DMD: variants seen among roughly 807,000 people sequenced by gnomAD.
The protein encoded by DMD is dystrophin, also known as mutant dystrophin.
In DMD, 63 loss-of-function variants were observed where a neutral mutation model predicts 330.1. That is an observed-to-expected ratio of 0.19 (90% CI 0.16 to 0.24). DMD has a LOEUF of 0.24. DMD is among the 10% of genes least tolerant of loss of function. The pLI is 1.00. For synonymous variants in DMD, 1,223 were observed against 959.8 expected (o/e 1.27, Z -5.07); for missense variants, 3,344 against 2,684.1 (o/e 1.25, Z -5.43).
intron 55 of DMD, among the ~76,000 whole-genome samples, chrX:31,620,925 T>A (rs2078497848): frequency 1.8e-5 from 2 of 111,844 alleles, no homozygotes; most frequent in Non-Finnish European, 3.8e-5. Flanking sequence ...CATAAATTTG[T>A]GTGTAATATA....
intron 44 of DMD, among the ~76,000 whole-genome samples, chrX:31,971,895 TG>T (rs1388869865): frequency 8.9e-6 from 1 of 111,968 alleles, no homozygotes; most frequent in Non-Finnish European, 1.9e-5. Context: ...CATCTAGTCT[TG>T]GTTCTGGACA....
At chrX:32,906,780 T>C (rs1278757425) in intron 2 of DMD, among the ~76,000 whole-genome samples, 1 of 111,527 alleles carries the variant, frequency 9.0e-6, no homozygotes, top group Non-Finnish European at 1.9e-5. Context: ...TAGGATGCTA[T>C]TTCAGTACTC....
intron 44 of DMD, among the ~76,000 whole-genome samples, chrX:32,033,592 AGACAGAC>A (rs764110257): frequency 0.014 from 512 of 37,062 alleles, 1 homozygote; most frequent in Middle Eastern, 0.02. Context: ...AAAACAAGAC[AGACAGAC>A]AGACAGAAAG....
chrX:32,290,569 C>T (rs1391641094), intron 42 of DMD, among the ~76,000 whole-genome samples: 1 of 112,097 alleles, frequency 8.9e-6, no homozygotes. Context: ...AAAATCTAAA[C>T]ATATTTATTC....
At chrX:31,453,319 G>A (rs1007661702) in intron 59 of DMD, among the ~76,000 whole-genome samples, 3 of 110,582 alleles carry the variant, frequency 2.7e-5, no homozygotes, top group Non-Finnish European at 5.7e-5. Flanking sequence ...GCACCACCAC[G>A]CCCAGCTAAT....
rs1232806570 is a variant in DMD, at chrX:32,077,443, A to T, written c.6439-108929T>A. Among the ~76,000 whole-genome samples, 3 of 111,777 alleles carry T rather than the reference A, an allele frequency of 2.7e-5. No homozygotes were observed. In the Admixed American group the frequency reaches 2.8e-4, roughly 11 times the overall value. On this transcript the variant is annotated intron_variant, in intron 44 of 78. Coordinates refer to ENST00000357033, the MANE Select transcript of DMD (RefSeq NM_004006.3). ...CCTCTTTCAATTCTCTGAAAGTTAT[A>T]TAAATGTGATAAAATAGAATATAAG...
intron 44 of DMD, among the ~76,000 whole-genome samples, chrX:32,198,325 C>T (rs759723366): frequency 2.7e-5 from 3 of 111,489 alleles, no homozygotes; most frequent in Admixed American, 1.9e-4. Flanking sequence ...AAAAGATGAT[C>T]GTGTGTGTTT....
chrX:33,297,954 C>T (rs1214584068), intron 1 of DMD, among the ~76,000 whole-genome samples: 1 of 109,985 alleles, frequency 9.1e-6, no homozygotes, highest in Non-Finnish European at 1.9e-5. Context: ...CATAAGTGTT[C>T]TCATCACAAA....
chrX:32,878,749 C>A (rs2083595110), intron 2 of DMD, among the ~76,000 whole-genome samples: 1 of 110,162 alleles, frequency 9.1e-6, no homozygotes, highest in East Asian at 2.9e-4. Flanking sequence ...ATGGCTCATG[C>A]CTGTAAGCCC....
At chrX:32,411,935 G>A in intron 29 of DMD, 22 bp from the exon 30 acceptor site, 1 of 1,206,104 alleles carries the variant, frequency 8.3e-7, no homozygotes, top group Non-Finnish European at 1.1e-6. Context: ...GAATAAGAGT[G>A]TATCAGTTAA....
chrX:31,689,717 C>A (rs1304785931), intron 52 of DMD, among the ~76,000 whole-genome samples: 1 of 111,669 alleles, frequency 9.0e-6, no homozygotes, highest in Non-Finnish European at 1.9e-5. Flanking sequence ...TGACTTCAAA[C>A]TATACTACAA....
chrX:32,254,023 G>T (rs763973198), intron 43 of DMD, among the ~76,000 whole-genome samples: 21 of 110,853 alleles, frequency 1.9e-4, no homozygotes, highest in Non-Finnish European at 3.4e-4. Flanking sequence ...TTCTGCAAAA[G>T]AGTTTATTAA....
intron 2 of DMD, among the ~76,000 whole-genome samples, chrX:32,952,183 G>C (rs978214107): frequency 1.8e-5 from 2 of 108,900 alleles, no homozygotes; most frequent in African/African-American, 6.7e-5. Context: ...GCCCAGGCTG[G>C]AGTGCAGTGG....
chrX:32,785,773 GA>G (rs935511958), intron 7 of DMD, among the ~76,000 whole-genome samples: 1 of 110,903 alleles, frequency 9.0e-6, no homozygotes, highest in Admixed American at 9.6e-5. Flanking sequence ...ATAATAGAGA[GA>G]AAAAAATACA....
chrX:31,877,707 G>A (rs758782354), intron 47 of DMD, among the ~76,000 whole-genome samples: 5 of 110,015 alleles, frequency 4.5e-5, no homozygotes, highest in Admixed American at 2.9e-4. Flanking sequence ...ACGCACGCGC[G>A]CACACAGGTA....
intron 2 of DMD, among the ~76,000 whole-genome samples, chrX:32,894,065 C>A (rs2085469283): frequency 9.0e-6 from 1 of 111,577 alleles, no homozygotes; most frequent in Non-Finnish European, 1.9e-5. Context: ...GATGCAGAAC[C>A]AAATCTAGAT....
At chrX:33,225,788 C>T (rs759059477) in intron 1 of DMD, among the ~76,000 whole-genome samples, 17 of 109,989 alleles carry the variant, frequency 1.5e-4, no homozygotes, top group Non-Finnish European at 3.0e-4. Flanking sequence ...GGCTGCACAT[C>T]GAGAAAAATA....
chrX:33,009,950 GTA>G (rs1491215606), intron 2 of DMD, among the ~76,000 whole-genome samples: 1 of 76,641 alleles, frequency 1.3e-5, no homozygotes, highest in Non-Finnish European at 2.3e-5. Flanking sequence ...ATACACGTGT[GTA>G]TGTGTATATA....
intron 47 of DMD, among the ~76,000 whole-genome samples, chrX:31,927,708 G>T (rs1354049909): frequency 2.7e-5 from 3 of 110,203 alleles, no homozygotes; most frequent in African/African-American, 9.9e-5. Flanking sequence ...TGGTTTTAAT[G>T]TCATAAAATT....
Sources: gnomAD v4.1 joint callset for allele counts (sites outside exome capture counted in the v4.1 genomes callset) on GRCh38, gnomAD v4.1.1 for gene constraint, MANE v1.5 for transcripts, NCBI Gene and HGNC (gene_info 2026-07-23, HGNC 2026-07-21) for gene names.